The following PPP6C variants were observed in gnomAD, a reference collection of about 807,000 sequenced individuals.
The protein encoded by PPP6C is serine/threonine-protein phosphatase 6 catalytic subunit.
Under a neutral mutation model 39.8 loss-of-function variants are expected in PPP6C, and 11 were observed. The observed-to-expected ratio is 0.28, with a 90% CI of 0.17 to 0.46. The LOEUF (loss-of-function observed/expected upper bound fraction) is 0.46. Among genes scored for constraint, PPP6C ranks in the 20% least tolerant of loss-of-function variants. The pLI is 1.00. For missense variants in PPP6C, 211 were observed against 373.9 expected (o/e 0.56, Z 3.59); for synonymous variants, 129 against 130.3 (o/e 0.99, Z 0.07).
rs960206746 is a variant in PPP6C at position 125,158,655 on chromosome 9, AT to A, written c.238-274del. ...ACTTTCCCTGAAAAAAAAAACCACC[AT>A]TTTTTTTTCTTTTTTTTCTTTTTTT... On this transcript the variant is annotated intron_variant, in intron 3 of 6. Coordinates refer to ENST00000373547, the MANE Select transcript of PPP6C (RefSeq NM_002721.5). Among the ~76,000 whole-genome samples the A allele has an allele frequency of 5.4e-5, 8 of 149,514 alleles. No individual in the cohort carries two copies. The East Asian group carries it at 1.2e-3, about 22-fold the overall frequency.
At chr9:125,159,546 G>A (rs1174861061) in intron 3 of PPP6C, among the ~76,000 whole-genome samples, 1 of 151,980 alleles carries the variant, frequency 6.6e-6, no homozygotes, top group Non-Finnish European at 1.5e-5. Context: ...TAACTGTATT[G>A]GAAGAGTTGC....
rs933114481 is a variant in PPP6C, at chr9:125,148,039, A to C, written c.*1634T>G. On this transcript the variant is annotated 3_prime_UTR_variant, in exon 7 of 7. Transcript: ENST00000373547. ...AGCCACCTCTTTCATATAGCTATAT[A>C]ATTAAAAACTATGTAAGGAGCTGGG... The C allele has an allele frequency of 4.3e-5, 8 of 186,254 alleles. No homozygotes were observed. The highest frequency in any genetic ancestry group is 1.9e-4 in the African/African-American group (8 of 41,598). The allele number at this position is 186,254 out of a possible 1,614,324, so 11.5% of individuals were successfully genotyped here.
intron 1 of PPP6C, among the ~76,000 whole-genome samples, chr9:125,173,599 C>A (rs1245965403): frequency 8.7e-5 from 13 of 150,192 alleles, no homozygotes; most frequent in African/African-American, 1.2e-4. Flanking sequence ...ACAACAACAA[C>A]AACAAAAAAG....
At chr9:125,188,927 G>C in intron 1 of PPP6C, 1 of 1,548,672 alleles carries the variant, frequency 6.5e-7, no homozygotes. Flanking sequence ...ACCTCCTTTA[G>C]AAAACGAAGA....
chr9:125,182,682 T>C (rs1230950704), intron 1 of PPP6C, among the ~76,000 whole-genome samples: 2 of 150,820 alleles, frequency 1.3e-5, no homozygotes, highest in African/African-American at 4.9e-5. Context: ...ATGGCACTAC[T>C]AATTATTCAT....
chr9:125,185,594 T>C (rs1371291124), intron 1 of PPP6C, among the ~76,000 whole-genome samples: 2 of 151,466 alleles, frequency 1.3e-5, no homozygotes, highest in Non-Finnish European at 2.9e-5. Context: ...CTCAGGAGGC[T>C]GAGGCAGGAG....
chr9:125,188,653 G>T (rs1389983082), intron 1 of PPP6C, among the ~76,000 whole-genome samples: 1 of 151,798 alleles, frequency 6.6e-6, no homozygotes, highest in Admixed American at 6.6e-5. Context: ...GCGTCGTGAC[G>T]GGCGCCTGTA....
At chr9:125,158,976 T>C (rs1434209254) in intron 3 of PPP6C, among the ~76,000 whole-genome samples, 1 of 151,906 alleles carries the variant, frequency 6.6e-6, no homozygotes, top group African/African-American at 2.4e-5. Flanking sequence ...ACCACCATTT[T>C]TTCAATCCTC....
intron 6 of PPP6C, among the ~76,000 whole-genome samples, chr9:125,151,827 A>T (rs1339756849): frequency 6.6e-6 from 1 of 152,238 alleles, no homozygotes; most frequent in Non-Finnish European, 1.5e-5. Context: ...TGAGCCTTGC[A>T]GCTTTAACTA....
chr9:125,150,706 C>CCGAT, intron 6 of PPP6C: 1 of 866,700 alleles, frequency 1.2e-6, no homozygotes, highest in Non-Finnish European at 1.8e-6. Flanking sequence ...CAGAAAACTG[C>CCGAT]CGATCGCCTG....
chr9:125,178,182 C>A (rs1829344502), intron 1 of PPP6C, among the ~76,000 whole-genome samples: 2 of 152,274 alleles, frequency 1.3e-5, no homozygotes, highest in African/African-American at 4.8e-5. Context: ...AGCAGGACTG[C>A]TGGATTATAT....
chr9:125,164,091 G>A (rs1246420006), intron 2 of PPP6C, among the ~76,000 whole-genome samples: 1 of 151,704 alleles, frequency 6.6e-6, no homozygotes, highest in Non-Finnish European at 1.5e-5. Flanking sequence ...ACCCGCTTCG[G>A]TTTCCCAAAT....
intron 1 of PPP6C, among the ~76,000 whole-genome samples, chr9:125,174,355 A>C (rs1829249366): frequency 6.6e-6 from 1 of 152,164 alleles, no homozygotes; most frequent in African/African-American, 2.4e-5. Context: ...CAATGAGGGG[A>C]AATAGAGTTG....
At chr9:125,171,978 A>T (rs755541462) in intron 1 of PPP6C, 7 of 466,750 alleles carry the variant, frequency 1.5e-5, no homozygotes, top group Non-Finnish European at 3.1e-5. Flanking sequence ...TACTCGCAGA[A>T]GCCTAATGCA....
At chr9:125,175,499 G>A (rs201145697) in intron 1 of PPP6C, among the ~76,000 whole-genome samples, 7 of 151,560 alleles carry the variant, frequency 4.6e-5, no homozygotes, top group East Asian at 1.9e-4. Flanking sequence ...AAAAATTAGC[G>A]GGGCATGGTG....
At chr9:125,150,357 G>A (rs1408744533) in intron 6 of PPP6C, among the ~76,000 whole-genome samples, 6 of 152,102 alleles carry the variant, frequency 3.9e-5, no homozygotes, top group African/African-American at 9.7e-5. Context: ...AAGATACACT[G>A]ATGCAGGATC....
intron 6 of PPP6C, 109 bp downstream of exon 6, chr9:125,153,423 AC>A: frequency 1.0e-6 from 1 of 970,594 alleles, no homozygotes; most frequent in Non-Finnish European, 1.5e-6. Context: ...ATCCACAGCC[AC>A]CATATTTTGA....
Position 125,159,374 on chromosome 9 carries a change from AT to A in PPP6C, c.238-993del, listed in dbSNP as rs1331331927. On this transcript the variant is annotated intron_variant, in intron 3 of 6. Transcript: ENST00000373547. The stretch of plus-strand genomic sequence containing the variant: ...AAGTAATTTAATTTTTAAAAATTCA[AT>A]TTTTTTTTTTTTTTAGAGATGGGGT... 4.0e-3 allele frequency among the ~76,000 whole-genome samples: 552 copies of A among 137,902 alleles called. 3 individuals carry two copies. The highest frequency in any genetic ancestry group is 6.7e-3 in the African/African-American group (251 of 37,562). 90.5% of individuals were successfully genotyped at this position (137,902 alleles called of 152,430 possible).
intron 2 of PPP6C, among the ~76,000 whole-genome samples, chr9:125,166,939 G>T (rs1414228760): frequency 2.7e-5 from 4 of 150,642 alleles, no homozygotes; most frequent in African/African-American, 9.8e-5. Flanking sequence ...TCACTCTGCT[G>T]CCCAGGCTGG....
Sources: allele counts gnomAD v4.1 joint callset (sites outside exome capture counted in the v4.1 genomes callset), GRCh38; gene constraint gnomAD v4.1.1; transcripts MANE v1.5; gene names NCBI Gene and HGNC (gene_info 2026-07-23, HGNC 2026-07-21).